The following ITIH6 variants were observed in gnomAD, a reference collection of about 807,000 sequenced individuals.
ITIH6 encodes inter-alpha-trypsin inhibitor heavy chain H6.
A neutral mutation model predicts 58.2 loss-of-function variants in ITIH6; 60 were observed. The ratio of observed to expected loss-of-function variants is 1.03; its 90% CI spans 0.84 to 1.28. The LOEUF is 1.28. Ranked by LOEUF, ITIH6 falls within the 50% of genes most tolerant of loss-of-function variation. The pLI is 0.00. For missense variants in ITIH6, 1,290 were observed against 1,021.1 expected, an observed-to-expected ratio of 1.26 and a Z score of -3.59; for synonymous variants, 493 against 417.4, an observed-to-expected ratio of 1.18 and a Z score of -2.21.
At chrX:54,787,882 C>T (rs1434772424) in intron 5 of ITIH6, among the ~76,000 whole-genome samples, 4 of 110,594 alleles carry the variant, frequency 3.6e-5, no homozygotes, top group African/African-American at 1.3e-4. Flanking sequence ...GGTTGAGAGT[C>T]CTGTGGTGGG....
chrX:54,780,346 T>C (rs1405961637), intron 5 of ITIH6, among the ~76,000 whole-genome samples: 1 of 112,033 alleles, frequency 8.9e-6, no homozygotes, highest in Non-Finnish European at 1.9e-5. Context: ...GGAATAACAC[T>C]AAAAATCAAT....
At chrX:54,763,112 C>T (rs999010553) in intron 6 of ITIH6, among the ~76,000 whole-genome samples, 2 of 111,973 alleles carry the variant, frequency 1.8e-5, no homozygotes, top group African/African-American at 6.5e-5. Flanking sequence ...CAATATTATG[C>T]TTTCAATCCT....
intron 6 of ITIH6, among the ~76,000 whole-genome samples, chrX:54,767,908 C>T (rs1333204009): frequency 6.3e-4 from 49 of 77,287 alleles, no homozygotes; most frequent in East Asian, 5.4e-3. Context: ...CTATTAGGTC[C>T]GCTTGGTGCA....
intron 5 of ITIH6, among the ~76,000 whole-genome samples, chrX:54,774,919 T>C (rs138157361): frequency 0.097 from 10,818 of 111,325 alleles, 1,335 homozygotes; most frequent in African/African-American, 0.34. Flanking sequence ...GGGATGTCTG[T>C]GCTGGCTGAG....
rs781250283 is a variant in ITIH6 at position 54,788,597 on chromosome X, G to A, written c.669C>T (p.Val223=). 1.6e-5 allele frequency: 19 copies of A among 1,208,046 alleles called. No individual in the cohort carries two copies. The East Asian group carries it at 5.4e-4, about 34-fold the overall frequency. The change falls in exon 5 of 13, where the codon GTC becomes GTT. Residue 223 remains valine, a synonymous_variant. Coordinates refer to ENST00000218436, the MANE Select transcript of ITIH6 (RefSeq NM_198510.3). ...STRIERGETC[V]RITYCPTLQD... is the part of the protein sequence containing the mutation. ...GCAATGTCGGGCAGTAGGTGATTCG[G>A]ACACAGGTCTCTCCCCTCTCGATCC...
chrX:54,789,888 A>G (rs1401294482), intron 4 of ITIH6, among the ~76,000 whole-genome samples: 49 of 111,373 alleles, frequency 4.4e-4, no homozygotes, highest in African/African-American at 1.6e-3. Context: ...CCTGAGCTGT[A>G]GATGGCATCT....
intron 6 of ITIH6, among the ~76,000 whole-genome samples, chrX:54,773,148 G>A (rs1928986500): frequency 8.9e-6 from 1 of 111,874 alleles, no homozygotes; most frequent in African/African-American, 3.2e-5. Flanking sequence ...TTGCCGAGGA[G>A]CCCAGTTGAT....
At chrX:54,770,588 A>T (rs1286112585) in intron 6 of ITIH6, among the ~76,000 whole-genome samples, 1 of 112,194 alleles carries the variant, frequency 8.9e-6, no homozygotes, top group Non-Finnish European at 1.9e-5. Flanking sequence ...TTCAAATAAC[A>T]CTATACAGCT....
Position 54,791,011 on chromosome X carries a change from AG to A in ITIH6, c.441del (p.Tyr148MetfsTer16). 1 of 1,211,684 alleles carries A rather than the reference AG, an allele frequency of 8.3e-7. No individual in the cohort carries two copies. Among genetic ancestry groups the A allele is most frequent in the South Asian group, 1.8e-5 (1 of 56,924 alleles). On this transcript the variant is annotated frameshift_variant, in exon 4 of 13. Coordinates refer to ENST00000218436, the MANE Select transcript of ITIH6 (RefSeq NM_198510.3). LOFTEE classifies it high-confidence loss of function. The part of the protein sequence containing the change: ...AAGTEVTFSL[A>X]YEELLQRHQG... ...TGGTGCCGCTGAAGCAGTTCCTCAT[AG>A]GCCAGGGAAAAAGTCACCTCTGTGC...
Position 54,757,140 on chromosome X carries a change from T to A in ITIH6, c.2934A>T (p.Glu978Asp). 1 of 1,211,605 alleles carries A rather than the reference T, an allele frequency of 8.3e-7. No homozygotes were observed. Among genetic ancestry groups the A allele is most frequent in the Non-Finnish European group, 1.1e-6 (1 of 895,467 alleles). ...SLLNSSRPTP[E>D]GSPPNLPILL... ...AGATTGGCAGGTTTGGAGGGCTGCC[T>A]TCTGGTGTAGGCCTGGAGCTGTTGA... is the stretch of plus-strand genomic sequence containing the variant. Residue 978 changes from glutamate (E) to aspartate (D), a missense_variant, in exon 8 of 13, where the codon GAA (glutamate) becomes GAT (aspartate). Physicochemically the swap from Glu to Asp is conservative, Grantham distance 45 (BLOSUM62 2). Transcript: ENST00000218436.
intron 5 of ITIH6, among the ~76,000 whole-genome samples, chrX:54,786,629 C>T (rs767217984): frequency 3.6e-5 from 4 of 111,592 alleles, no homozygotes; most frequent in African/African-American, 1.3e-4. Context: ...CCCACAGGCC[C>T]CCTCCCATGG....
intron 5 of ITIH6, among the ~76,000 whole-genome samples, chrX:54,779,070 T>G (rs2147615461): frequency 8.9e-6 from 1 of 112,084 alleles, no homozygotes; most frequent in East Asian, 2.8e-4. Flanking sequence ...AATAAAGAGT[T>G]TCCCAGACAA....
rs778690671 is a variant in ITIH6, at chrX:54,753,944, G to T, written c.3224C>A (p.Thr1075Asn). Residue 1075 changes from threonine (T) to asparagine (N), a missense_variant, in exon 10 of 13, where the codon ACC becomes AAC. Coordinates refer to ENST00000218436, the MANE Select transcript of ITIH6 (RefSeq NM_198510.3). ...GACTGGCTTACCTGAGGAGGAGAAG[G>T]TGAAGATGCTAGGCAATGTGCCTGC... ...LAKGTLPSIF[T>N]FSSSVDGDPH... The T allele has an allele frequency of 8.3e-7, 1 of 1,210,118 alleles. No homozygotes were observed. The highest frequency in any genetic ancestry group is 1.1e-6 in the Non-Finnish European group (1 of 894,584).
chrX:54,762,056 C>G (rs934486773), intron 6 of ITIH6, among the ~76,000 whole-genome samples: 3 of 111,799 alleles, frequency 2.7e-5, no homozygotes, highest in African/African-American at 6.5e-5. Context: ...GACATTGATT[C>G]TTCCTATCCA....
intron 6 of ITIH6, among the ~76,000 whole-genome samples, chrX:54,772,963 G>T (rs1488424362): frequency 1.8e-5 from 2 of 111,281 alleles, no homozygotes; most frequent in East Asian, 5.6e-4. Context: ...TAGAGACAGG[G>T]TTTTGCCATG....
chrX:54,788,718 G>A (rs1929290972), intron 4 of ITIH6, 69 bp from the exon 5 acceptor site: 1 of 925,913 alleles, frequency 1.1e-6, no homozygotes, highest in African/African-American at 1.9e-5. Context: ...CCAGGGAAAG[G>A]GCAGCACAAA....
intron 6 of ITIH6, among the ~76,000 whole-genome samples, chrX:54,763,078 T>C (rs1057166238): frequency 6.3e-5 from 7 of 110,746 alleles, no homozygotes; most frequent in Admixed American, 9.7e-5. Flanking sequence ...ATTTGGGAGG[T>C]TTTAAATCCA....
chrX:54,781,031 C>A (rs1360286890), intron 5 of ITIH6, among the ~76,000 whole-genome samples: 2 of 111,526 alleles, frequency 1.8e-5, no homozygotes, highest in African/African-American at 6.5e-5. Context: ...GGATAACAGG[C>A]AAGCCATTTG....
rs774235260 is a variant in ITIH6 at position 54,751,110 on chromosome X, A to G, written c.3623T>C (p.Leu1208Pro). 9 of 1,206,250 alleles carry G rather than the reference A, an allele frequency of 7.5e-6. No individual in the cohort carries two copies. In the African/African-American group the frequency reaches 1.6e-4, roughly 21 times the overall value. ...TLRLGPYLEFLVLRHRYRHPS... is the reference protein window; with the variant it reads ...TLRLGPYLEFPVLRHRYRHPS... ...ATGCCTGTAGCGGTGTCGGAGGACT[A>G]GGAACTCAAGGTAGGGCCCAAGGCG... The change falls in exon 12 of 13, where the codon CTA (leucine) becomes CCA (proline). Residue 1208 changes from leucine to proline, a missense_variant. Leu to Pro is a moderately conservative substitution (Grantham distance 98). Coordinates refer to ENST00000218436, the MANE Select transcript of ITIH6 (RefSeq NM_198510.3).
Sources: allele counts gnomAD v4.1 joint callset (sites outside exome capture counted in the v4.1 genomes callset), GRCh38; gene constraint gnomAD v4.1.1; transcripts MANE v1.5; gene names NCBI Gene and HGNC (gene_info 2026-07-23, HGNC 2026-07-21).